Variants in POGZ observed in about 807,000 individuals in gnomAD.
POGZ encodes pogo transposable element with ZNF domain.
POGZ carries 17 observed loss-of-function variants against 134.6 expected under a neutral mutation model. That is an observed-to-expected ratio of 0.13 (90% CI 0.09 to 0.19). The LOEUF (loss-of-function observed/expected upper bound fraction) is 0.19. POGZ is among the 10% of genes least tolerant of loss of function. The probability of loss-of-function intolerance (pLI) is 1.00; values close to 1 mark genes in which losing one functional copy is unlikely to be tolerated. For synonymous variants in POGZ, 693 were observed against 657.1 expected (o/e 1.05, Z -0.84); for missense variants, 1,306 against 1,769.7 (o/e 0.74, Z 4.70).
At chr1:151,435,958 CT>C (rs58367755) in intron 3 of POGZ, among the ~76,000 whole-genome samples, 5,112 of 134,708 alleles carry the variant, frequency 0.038, 284 homozygotes, top group African/African-American at 0.13. Flanking sequence ...ATTTTCTTTT[CT>C]TTTTTTTTTT....
intron 1 of POGZ, among the ~76,000 whole-genome samples, chr1:151,456,671 G>T (rs1325986994): frequency 6.6e-6 from 1 of 152,130 alleles, no homozygotes; most frequent in Non-Finnish European, 1.5e-5. Flanking sequence ...AATAATAATA[G>T]GCCGGGCACG....
At chr1:151,451,909 C>T (rs559892310) in intron 1 of POGZ, among the ~76,000 whole-genome samples, 8 of 151,348 alleles carry the variant, frequency 5.3e-5, no homozygotes, top group African/African-American at 1.9e-4. Flanking sequence ...CCAGCCTGAC[C>T]AATATGATGA....
At position 151,427,833 on chromosome 1, in the gene POGZ, A is replaced by G. The variant is rs780992996; in HGVS notation, c.1068T>C (p.Ser356=). Residue 356 remains serine (S), a synonymous_variant, in exon 7 of 19, where the codon TCT becomes TCC. Coordinates refer to ENST00000271715, the MANE Select transcript of POGZ (RefSeq NM_015100.4). Reference sequence around the variant, plus strand: ...TTCAGGTTATTGTACCTTTCATTGAAGACTCAGGTCCGCTGGTTCTTTGAG... The same window carrying G: ...TTCAGGTTATTGTACCTTTCATTGAGGACTCAGGTCCGCTGGTTCTTTGAG... The part of the protein sequence containing the change: ...HGSQRTSGPE[S]SMKVTSSIPV... The G allele has an allele frequency of 2.9e-5, 47 of 1,610,332 alleles. No individual in the cohort carries two copies. In the South Asian group the frequency reaches 4.8e-4, roughly 17 times the overall value.
intron 10 of POGZ, among the ~76,000 whole-genome samples, chr1:151,422,448 G>A (rs1398124177): frequency 1.3e-5 from 2 of 152,178 alleles, no homozygotes; most frequent in African/African-American, 2.4e-5. Flanking sequence ...ATTTAGAGGT[G>A]TACGCTCATA....
intron 12 of POGZ, among the ~76,000 whole-genome samples, chr1:151,409,897 T>C (rs1339578807): frequency 6.6e-6 from 1 of 152,230 alleles, no homozygotes; most frequent in Non-Finnish European, 1.5e-5. Context: ...CCCATGTCTA[T>C]GATTTTCTTT....
At chr1:151,411,813 A>G (rs763304357) in intron 11 of POGZ, 42 bp from the exon 12 acceptor site, 52 of 1,552,394 alleles carry the variant, frequency 3.3e-5, no homozygotes, top group Non-Finnish European at 4.4e-5. Context: ...GAATGAAGTG[A>G]ACAACTGAGA....
chr1:151,435,400 A>T (rs1411271131), intron 3 of POGZ, among the ~76,000 whole-genome samples: 1 of 152,240 alleles, frequency 6.6e-6, no homozygotes, highest in East Asian at 1.9e-4. Flanking sequence ...AAGATGAGTC[A>T]GAACTACAGG....
intron 1 of POGZ, among the ~76,000 whole-genome samples, chr1:151,456,485 T>C (rs1253788294): frequency 6.6e-6 from 1 of 152,206 alleles, no homozygotes; most frequent in East Asian, 1.9e-4. Flanking sequence ...TAGTCGTTCT[T>C]TCAAGTAAAA....
intron 1 of POGZ, among the ~76,000 whole-genome samples, chr1:151,458,224 G>T (rs772542931): frequency 2.8e-4 from 42 of 152,150 alleles, no homozygotes; most frequent in Non-Finnish European, 5.0e-4. Flanking sequence ...CAGAAAGACG[G>T]AAAACAAATA....
intron 3 of POGZ, among the ~76,000 whole-genome samples, chr1:151,439,586 C>T (rs1326559503): frequency 1.3e-5 from 2 of 152,174 alleles, no homozygotes; most frequent in African/African-American, 4.8e-5. Flanking sequence ...TAGGCAAGGA[C>T]ACATGCCTGA....
intron 10 of POGZ, among the ~76,000 whole-genome samples, chr1:151,417,364 C>CT (rs1380557486): frequency 1.4e-3 from 195 of 135,272 alleles, no homozygotes; most frequent in African/African-American, 1.9e-3. Flanking sequence ...GCCCGGCCCT[C>CT]TTTTTTTTTT....
intron 7 of POGZ, chr1:151,427,073 CT>C (rs1023703079): frequency 0.013 from 1,796 of 133,320 alleles, 14 homozygotes; most frequent in African/African-American, 0.037. Flanking sequence ...CCTGGCTAAT[CT>C]TTTTTTTTTT....
chr1:151,420,016 C>T (rs1656614489), intron 10 of POGZ, among the ~76,000 whole-genome samples: 1 of 152,048 alleles, frequency 6.6e-6, no homozygotes, highest in Non-Finnish European at 1.5e-5. Context: ...GACCCTGTCT[C>T]TACCCCCAAG....
In POGZ at chr1:151,427,816, A is replaced by C. The variant is rs369156325; in HGVS notation, c.1078+7T>G. ...CTGGCTGCTCAGAGTCTTTCAGGTT[A>C]TTGTACCTTTCATTGAAGACTCAGG... On this transcript the variant is annotated splice_region_variant and intron_variant, in intron 7 of 18. Transcript: ENST00000271715. 2 of 1,589,108 alleles carry C rather than the reference A, an allele frequency of 1.3e-6. No individual in the cohort carries two copies. The highest frequency in any genetic ancestry group is 1.7e-6 in the Non-Finnish European group (2 of 1,157,522).
At position 151,411,617 on chromosome 1, in the gene POGZ, C is replaced by T; in HGVS notation, c.1926+8G>A. 6.3e-7 allele frequency: 1 copy of T among 1,589,770 alleles called. No homozygotes were observed. The highest frequency in any genetic ancestry group is 8.6e-7 in the Non-Finnish European group (1 of 1,166,556). ...AAGAGAATATGGGAATTGCTTGGTG[C>T]CTAGTACCTGGTGCCTCATGTAATG... is the stretch of plus-strand genomic sequence containing the variant. On this transcript the variant is annotated splice_region_variant and intron_variant, in intron 12 of 18. Coordinates refer to ENST00000271715, the MANE Select transcript of POGZ (RefSeq NM_015100.4).
intron 12 of POGZ, among the ~76,000 whole-genome samples, chr1:151,411,055 G>A (rs759693590): frequency 2.6e-5 from 4 of 152,120 alleles, no homozygotes; most frequent in Non-Finnish European, 4.4e-5. Context: ...TCCATTCTCT[G>A]CAGTGCAGGC....
At chr1:151,444,957 T>TTCGAGGTTACAGTGAGC (rs1234520279) in intron 1 of POGZ, among the ~76,000 whole-genome samples, 1 of 151,606 alleles carries the variant, frequency 6.6e-6, no homozygotes, top group Admixed American at 6.6e-5. Flanking sequence ...AGCCCAGGAG[T>TTCGAGGTTACAGTGAGC]TCGAGGTTAC....
In POGZ at chr1:151,408,240, C is replaced by T. The variant is rs1195527016; in HGVS notation, c.2235G>A (p.Met745Ile). Residue 745 changes from methionine (M) to isoleucine (I), a missense_variant and splice_region_variant, in exon 15 of 19, where the codon ATG becomes ATA. By Grantham distance (10) the Met-to-Ile change is conservative. This residue lies in a region of POGZ where 149 missense variants were observed against 237.5 expected (regional missense o/e 0.63). Coordinates refer to ENST00000271715, the MANE Select transcript of POGZ (RefSeq NM_015100.4). ...GGCATGTCTGCCGGCCCATGACACT[C>T]CTGTGGGGGAAAAAAAAAAAGAATT... ...RSIQKRAVRK[M>I]SVMGRQTCLE... is the part of the protein sequence containing the mutation. The T allele has an allele frequency of 1.3e-6, 2 of 1,599,014 alleles. No individual in the cohort carries two copies. The highest frequency in any genetic ancestry group is 1.7e-6 in the Non-Finnish European group (2 of 1,176,016).
chr1:151,427,434 C>G, intron 7 of POGZ: 1 of 231,290 alleles, frequency 4.3e-6, no homozygotes, highest in South Asian at 5.9e-5. Flanking sequence ...AGGCCCTTTA[C>G]AGAAAACATT....
Sources: allele counts gnomAD v4.1 joint callset (sites outside exome capture counted in the v4.1 genomes callset), GRCh38; gene constraint gnomAD v4.1.1; regional missense constraint gnomAD v4.1.1; transcripts MANE v1.5; gene names NCBI Gene and HGNC (gene_info 2026-07-23, HGNC 2026-07-21).